The following DGKB variants were observed in gnomAD, a reference collection of about 807,000 sequenced individuals.
DGKB encodes 90 kDa diacylglycerol kinase.
Under a neutral mutation model 114.3 loss-of-function variants are expected in DGKB, and 67 were observed. That is an observed-to-expected ratio of 0.59 (90% CI 0.48 to 0.72). The LOEUF (loss-of-function observed/expected upper bound fraction) is 0.72, where lower values mean the gene tolerates loss of function less well. DGKB is among the 30% of genes least tolerant of loss of function. The pLI, the probability that DGKB is intolerant of heterozygous loss-of-function variation, is 0.00. For synonymous variants in DGKB, 398 were observed against 323.1 expected (o/e 1.23, Z -2.49); for missense variants, 907 against 975.2 (o/e 0.93, Z 0.93).
chr7:14,950,199 C>T (rs1477149945), intron 1 of DGKB, among the ~76,000 whole-genome samples: 1 of 150,790 alleles, frequency 6.6e-6, no homozygotes, highest in East Asian at 2.0e-4. Flanking sequence ...GATAGAAAAA[C>T]ATGACTCATC....
At chr7:14,893,760 C>T (rs112016540) in intron 1 of DGKB, among the ~76,000 whole-genome samples, 2 of 151,346 alleles carry the variant, frequency 1.3e-5, no homozygotes, top group African/African-American at 4.8e-5. Context: ...TTCTATTCTT[C>T]CCTCAAGATC....
At chr7:14,491,872 TGAGA>T (rs780326123) in intron 20 of DGKB, among the ~76,000 whole-genome samples, 2 of 152,060 alleles carry the variant, frequency 1.3e-5, no homozygotes, top group African/African-American at 4.8e-5. Context: ...CTTAAAACCA[TGAGA>T]GACTCATAAT....
Position 14,841,184 on chromosome 7 carries a change from G to T in DGKB, c.70+10C>A, listed in dbSNP as rs376786590. 1.8e-5 allele frequency: 29 copies of T among 1,604,104 alleles called. No individual in the cohort carries two copies. Among genetic ancestry groups the T allele is most frequent in the Admixed American group, 3.4e-5 (2 of 59,432 alleles). On this transcript the variant is annotated intron_variant, in intron 2 of 25. Coordinates refer to ENST00000402815, the MANE Select transcript of DGKB (RefSeq NM_001350709.2). ...TCAAATAATCTCATAATATCAATAT[G>T]AATACTTACACTCAGCATATTTCTG...
chr7:14,511,477 G>C (rs769471224), intron 20 of DGKB, among the ~76,000 whole-genome samples: 1 of 152,162 alleles, frequency 6.6e-6, no homozygotes, highest in Non-Finnish European at 1.5e-5. Flanking sequence ...TTAGGGTCTT[G>C]CTCTGAATTA....
intron 13 of DGKB, among the ~76,000 whole-genome samples, chr7:14,647,303 C>T (rs1177020445): frequency 6.6e-6 from 1 of 151,984 alleles, no homozygotes; most frequent in Admixed American, 6.6e-5. Flanking sequence ...AGTAACAAGA[C>T]TGAATCAGAA....
intron 21 of DGKB, among the ~76,000 whole-genome samples, chr7:14,369,638 T>C (rs191627139): frequency 9.1e-4 from 139 of 152,330 alleles, no homozygotes; most frequent in African/African-American, 3.0e-3. Flanking sequence ...TGGTATCCCA[T>C]TGTGGTTTTG....
At chr7:14,762,375 T>G (rs1027888043) in intron 2 of DGKB, among the ~76,000 whole-genome samples, 2 of 152,150 alleles carry the variant, frequency 1.3e-5, no homozygotes, top group African/African-American at 4.8e-5. Context: ...CTGAGTCATG[T>G]AATAAACAAT....
chr7:14,459,620 C>T (rs1021998496), intron 21 of DGKB, among the ~76,000 whole-genome samples: 2 of 152,124 alleles, frequency 1.3e-5, no homozygotes, highest in African/African-American at 2.4e-5. Flanking sequence ...ACCAAACCTA[C>T]GTTTGAATGG....
chr7:14,425,844 T>A (rs1827431449), intron 21 of DGKB, among the ~76,000 whole-genome samples: 1 of 152,140 alleles, frequency 6.6e-6, no homozygotes, highest in African/African-American at 2.4e-5. Context: ...TATACAAAAA[T>A]GAGTATTTTA....
intron 10 of DGKB, among the ~76,000 whole-genome samples, chr7:14,684,795 T>G (rs2128974569): frequency 6.6e-6 from 1 of 152,268 alleles, no homozygotes; most frequent in Non-Finnish European, 1.5e-5. Flanking sequence ...TTCCTAATTT[T>G]AATGCAAATC....
intron 21 of DGKB, among the ~76,000 whole-genome samples, chr7:14,394,974 G>A (rs947223167): frequency 6.6e-6 from 1 of 152,096 alleles, no homozygotes; most frequent in Non-Finnish European, 1.5e-5. Flanking sequence ...CCAGGAGATA[G>A]TAATGAACTA....
At chr7:14,472,719 C>T (rs775930327) in intron 21 of DGKB, among the ~76,000 whole-genome samples, 18 of 152,114 alleles carry the variant, frequency 1.2e-4, no homozygotes, top group Middle Eastern at 6.8e-3. Flanking sequence ...GATATTGATA[C>T]GGACAATGAT....
chr7:14,375,560 C>T lies in DGKB; in HGVS notation c.1836-30169G>A, dbSNP rs916976626. Among the ~76,000 whole-genome samples the T allele has an allele frequency of 2.6e-5, 4 of 152,156 alleles. No individual in the cohort carries two copies. In the East Asian group the frequency reaches 5.8e-4, roughly 22 times the overall value. Reference sequence around the variant, plus strand: ...CTTGATTCTTCATAACTGCTGTTCCCTCTGCTGGGAAGTTTCTTCCCCCTA... The same window carrying T: ...CTTGATTCTTCATAACTGCTGTTCCTTCTGCTGGGAAGTTTCTTCCCCCTA... On this transcript the variant is annotated intron_variant, in intron 21 of 25. Transcript: ENST00000402815.
chr7:14,635,170 A>G (rs931206552), intron 13 of DGKB, among the ~76,000 whole-genome samples: 2 of 150,612 alleles, frequency 1.3e-5, no homozygotes, highest in African/African-American at 4.9e-5. Context: ...TTAATGGTAA[A>G]ATATATTTTT....
chr7:14,935,729 C>G lies in DGKB; in HGVS notation c.-188+38967G>C, dbSNP rs566844593. Among the ~76,000 whole-genome samples, 223 of 151,998 alleles carry G rather than the reference C, an allele frequency of 1.5e-3. 2 individuals carry two copies. The highest frequency in any genetic ancestry group is 5.3e-3 in the African/African-American group (220 of 41,472). ...ACACTTTCTCCTCTTCTCTCCTTTCCTCTCCTCTCTTTTCTCTCCCTTTAT... is the reference window on the plus strand; with the variant it reads ...ACACTTTCTCCTCTTCTCTCCTTTCGTCTCCTCTCTTTTCTCTCCCTTTAT... On this transcript the variant is annotated intron_variant, in intron 1 of 4. Coordinates refer to the DGKB transcript ENST00000437998.
chr7:14,350,982 A>C lies in DGKB; in HGVS notation c.1836-5591T>G, dbSNP rs547521917. 2.0e-4 allele frequency among the ~76,000 whole-genome samples: 30 copies of C among 152,112 alleles called. 2 individuals carry two copies. In the East Asian group the frequency reaches 3.9e-3, roughly 20 times the overall value. ...TCATTTCAAATCTGGTTTTAAAATA[A>C]TTTTCTCATGGAGAACATAGTTTTT... On this transcript the variant is annotated intron_variant, in intron 21 of 25. Transcript: ENST00000402815.
In DGKB at chr7:14,313,715, G is replaced by A. The variant is rs1201613463; in HGVS notation, c.2122+24800C>T. 3.0e-4 allele frequency among the ~76,000 whole-genome samples: 46 copies of A among 152,230 alleles called. No homozygotes were observed. In the East Asian group the frequency reaches 5.0e-3, roughly 17 times the overall value. ...CAGCGAGGCTGGGGGAGGGGCGCCC[G>A]CCATTGCCCAGGCTTGCTTAGGTAA... On this transcript the variant is annotated intron_variant, in intron 23 of 25. Coordinates refer to ENST00000402815, the MANE Select transcript of DGKB (RefSeq NM_001350709.2).
At chr7:14,483,088 A>G (rs751907302) in intron 20 of DGKB, among the ~76,000 whole-genome samples, 1 of 151,400 alleles carries the variant, frequency 6.6e-6, no homozygotes, top group Non-Finnish European at 1.5e-5. Context: ...TTCATAAATT[A>G]TGTTTTTTAT....
chr7:14,949,841 CTA>C (rs1244026867), intron 1 of DGKB, among the ~76,000 whole-genome samples: 1 of 151,778 alleles, frequency 6.6e-6, no homozygotes, highest in African/African-American at 2.4e-5. Flanking sequence ...TCTCAGCACA[CTA>C]TTGCAAGGAC....
Sources: gnomAD v4.1 joint callset for allele counts (sites outside exome capture counted in the v4.1 genomes callset) on GRCh38, gnomAD v4.1.1 for gene constraint, MANE v1.5 for transcripts, NCBI Gene and HGNC (gene_info 2026-07-23, HGNC 2026-07-21) for gene names.